Variants in FAM161B observed in about 807,000 individuals in gnomAD.
FAM161B encodes the protein FAM161 centrosomal protein B, also known as protein FAM161B.
A neutral mutation model predicts 61.5 loss-of-function variants in FAM161B; 46 were observed. That is an observed-to-expected ratio of 0.75 (90% CI 0.59 to 0.96). The LOEUF is 0.96. FAM161B is among the 40% of genes least tolerant of loss of function. FAM161B has a pLI of 0.00. For synonymous variants in FAM161B, 284 were observed against 302.7 expected, an observed-to-expected ratio of 0.94 and a Z score of 0.64; for missense variants, 774 against 800.7, an observed-to-expected ratio of 0.97 and a Z score of 0.40.
the FAM161B span, chr14:73,923,450 T>C: frequency 1.1e-5 from 18 of 1,614,108 alleles, no homozygotes; most frequent in Non-Finnish European, 1.5e-5. Flanking sequence ...ATGTGACACA[T>C]CACCTGGTGA....
intron 5 of FAM161B, among the ~76,000 whole-genome samples, 172 bp downstream of exon 5, chr14:73,940,754 G>C (rs1269664742): frequency 2.0e-5 from 3 of 152,234 alleles, no homozygotes; most frequent in Non-Finnish European, 4.4e-5. Flanking sequence ...ATGGCTAGCT[G>C]TTCTCCAAGC....
At chr14:73,929,103 G>C (rs975020115), downstream of FAM161B, among the ~76,000 whole-genome samples, 1 of 152,162 alleles carries the variant, frequency 6.6e-6, no homozygotes, top group Non-Finnish European at 1.5e-5. Flanking sequence ...TTTTCCTCAT[G>C]GGTTTTTGTA....
downstream of FAM161B, chr14:73,931,709 C>A (rs2055918964): frequency 1.6e-6 from 1 of 643,014 alleles, no homozygotes; most frequent in South Asian, 1.7e-5. Context: ...TGTAGGAGAG[C>A]TTCTTTTCTA....
downstream of FAM161B, chr14:73,932,147 C>T: frequency 2.7e-6 from 1 of 374,544 alleles, no homozygotes; most frequent in South Asian, 2.0e-5. Context: ...TACTTGGTCA[C>T]TTTGCTTTCT....
At chr14:73,941,185 T>G in intron 4 of FAM161B, 132 bp from the exon 5 acceptor site, 1 of 1,145,088 alleles carries the variant, frequency 8.7e-7, no homozygotes, top group Non-Finnish European at 1.2e-6. Context: ...TGGCGCAATC[T>G]CGGCTCACTG....
chr14:73,938,081 C>A lies in FAM161B; in HGVS notation c.1432G>T (p.Glu478Ter), dbSNP rs138044712. The change falls in exon 6 of 9, where the codon GAG becomes TAG. Residue 478 changes from glutamate (E) to a stop codon, truncating the protein, a stop_gained. Transcript: ENST00000286544. LOFTEE classifies it high-confidence loss of function. ...TGTATCTCCAGCCACTGAATACTCTCATCTGCTTTGTTCTTTTTTTCAAGT... is the reference window on the plus strand; with the variant it reads ...TGTATCTCCAGCCACTGAATACTCTAATCTGCTTTGTTCTTTTTTTCAAGT... ...SALEKKNKAD[E>*]SIQWLEIHKK... 3 of 1,614,032 alleles carry A rather than the reference C, an allele frequency of 1.9e-6. No homozygotes were observed. In the African/African-American group the frequency reaches 4.0e-5, roughly 22 times the overall value.
Position 73,934,218 on chromosome 14 carries a change from T to G in FAM161B, c.*38A>C. Reference sequence around the variant, plus strand: ...CTTGACTCAAACCCAAGTTAGCTGCTTAATATTTTTCAAAAGCAGTAATTT... The same window carrying G: ...CTTGACTCAAACCCAAGTTAGCTGCGTAATATTTTTCAAAAGCAGTAATTT... On this transcript the variant is annotated 3_prime_UTR_variant, in exon 9 of 9. Transcript: ENST00000286544. The G allele has an allele frequency of 6.2e-7, 1 of 1,600,460 alleles. No individual in the cohort carries two copies. Among genetic ancestry groups the G allele is most frequent in the Non-Finnish European group, 8.5e-7 (1 of 1,175,328 alleles).
chr14:73,924,779 C>T, the FAM161B span: 5,553 of 404,664 alleles, frequency 0.014, 287 homozygotes, highest in African/African-American at 0.11. Flanking sequence ...CAGGTTCAAG[C>T]GATTCTCCTG....
At chr14:73,931,469 A>G (rs745929493), downstream of FAM161B, 1 of 1,582,324 alleles carries the variant, frequency 6.3e-7, no homozygotes, top group Non-Finnish European at 8.7e-7. Flanking sequence ...ATTCAACTGT[A>G]ACCTATTCTA....
rs1179170711 is a variant in FAM161B, at chr14:73,936,102, A to G, written c.1666-14T>C. ...CTTGGCTAGATCCTGTGGGATGGAA[A>G]TTAATCTGTTGTAGCTGTCTTATGA... is the stretch of plus-strand genomic sequence containing the variant. On this transcript the variant is annotated splice_polypyrimidine_tract_variant and intron_variant, in intron 7 of 8. Coordinates refer to ENST00000286544, the MANE Select transcript of FAM161B (RefSeq NM_152445.3). The G allele has an allele frequency of 1.3e-6, 2 of 1,599,200 alleles. No homozygotes were observed. The highest frequency in any genetic ancestry group is 1.3e-5 in the African/African-American group (1 of 74,616).
chr14:73,934,422 C>CA (rs747056126), intron 8 of FAM161B, 28 bp from the exon 9 acceptor site: 154 of 1,582,588 alleles, frequency 9.7e-5, no homozygotes, highest in Non-Finnish European at 1.3e-4. Flanking sequence ...ACATGAAAAA[C>CA]AAAAAAAATT....
In FAM161B at chr14:73,937,623, A is replaced by G; in HGVS notation, c.1644T>C (p.Tyr548=). Residue 548 remains tyrosine (Y), a synonymous_variant, in exon 7 of 9, where the codon TAT becomes TAC. Transcript: ENST00000286544. ...TTACCTTGGCAACTTGTTCAAAGAG[A>G]TAGGGCCTTGTTTGTATTCGCTGCT... ...EMKQRIQTRP[Y]LFEQVAKDLA... 1.2e-6 allele frequency: 2 copies of G among 1,614,064 alleles called. No individual in the cohort carries two copies. Among genetic ancestry groups the G allele is most frequent in the Non-Finnish European group, 8.5e-7 (1 of 1,179,998 alleles).
At chr14:73,930,349 TAC>T (rs1184327229), downstream of FAM161B, among the ~76,000 whole-genome samples, 3 of 152,196 alleles carry the variant, frequency 2.0e-5, no homozygotes, top group Non-Finnish European at 4.4e-5. Flanking sequence ...TTTTGGTGGA[TAC>T]AGTGTCTTAC....
chr14:73,942,284 T>G, intron 4 of FAM161B, 85 bp downstream of exon 4: 1 of 1,375,758 alleles, frequency 7.3e-7, no homozygotes, highest in Non-Finnish European at 9.9e-7. Context: ...AAAACCTTGT[T>G]GAGAAGTGCT....
chr14:73,943,845 A>C (rs2056040074), intron 3 of FAM161B, among the ~76,000 whole-genome samples: 1 of 152,246 alleles, frequency 6.6e-6, no homozygotes. Context: ...GGAGCATGGC[A>C]CATGCTACCG....
chr14:73,947,085 CTG>C (rs1418682115), intron 1 of FAM161B, among the ~76,000 whole-genome samples: 1 of 152,074 alleles, frequency 6.6e-6, no homozygotes, highest in Non-Finnish European at 1.5e-5. Context: ...AATTTGCACT[CTG>C]TCAAGGAATG....
At chr14:73,943,689 G>A (rs755805670) in intron 3 of FAM161B, among the ~76,000 whole-genome samples, 4 of 152,090 alleles carry the variant, frequency 2.6e-5, no homozygotes, top group Non-Finnish European at 2.9e-5. Context: ...ACCAATCCCC[G>A]GGTTAGGTCC....
intron 5 of FAM161B, among the ~76,000 whole-genome samples, chr14:73,940,524 T>C (rs1175137624): frequency 6.6e-6 from 1 of 152,200 alleles, no homozygotes; most frequent in East Asian, 1.9e-4. Context: ...AGTTTCACTT[T>C]AGACATCTAT....
At chr14:73,940,033 C>T (rs2056004595) in intron 5 of FAM161B, among the ~76,000 whole-genome samples, 2 of 152,080 alleles carry the variant, frequency 1.3e-5, no homozygotes, top group South Asian at 4.1e-4. Flanking sequence ...TCCCTTGGAC[C>T]GTAAATACTC....
Sources: gnomAD v4.1 joint callset for allele counts (sites outside exome capture counted in the v4.1 genomes callset) on GRCh38, gnomAD v4.1.1 for gene constraint, MANE v1.5 for transcripts, NCBI Gene and HGNC (gene_info 2026-07-23, HGNC 2026-07-21) for gene names.